ENY2: variants seen among roughly 807,000 people sequenced by gnomAD.
ENY2 encodes the protein ENY2 transcription and export complex 2 subunit.
ENY2 carries 4 observed loss-of-function variants against 15.9 expected under a neutral mutation model. The ratio of observed to expected loss-of-function variants is 0.25; its 90% CI spans 0.12 to 0.57. The LOEUF (loss-of-function observed/expected upper bound fraction) is 0.57. Ranked by LOEUF, ENY2 falls within the 20% of genes least tolerant of loss-of-function variation. ENY2 has a pLI of 0.91. For synonymous variants in ENY2, 48 were observed against 38.0 expected (o/e 1.26, Z -0.97); for missense variants, 54 against 117.2 (o/e 0.46, Z 2.49).
rs567106986 is a variant in ENY2 at position 109,337,020 on chromosome 8, A to G, written c.83+816A>G. 3.7e-5 allele frequency among the ~76,000 whole-genome samples: 5 copies of G among 135,514 alleles called. No individual in the cohort carries two copies. In the South Asian group the frequency reaches 1.3e-3, roughly 34 times the overall value. 88.9% of individuals were successfully genotyped at this position (135,514 alleles called of 152,430 possible). On this transcript the variant is annotated intron_variant, in intron 2 of 4. Transcript: ENST00000521688. ...TGATCATGTAAGATCTCACACAATA[A>G]GAAAAAGAGGTGCATCTGTTGCTGA... is the stretch of plus-strand genomic sequence containing the variant.
At chr8:109,341,052 G>A (rs1186531796) in intron 4 of ENY2, among the ~76,000 whole-genome samples, 1 of 152,086 alleles carries the variant, frequency 6.6e-6, no homozygotes, top group Non-Finnish European at 1.5e-5. Flanking sequence ...GACTCACAAT[G>A]CAACCACCTT....
At chr8:109,340,392 A>G (rs1024143675) in intron 3 of ENY2, 97 bp from the exon 4 acceptor site, 6 of 1,544,256 alleles carry the variant, frequency 3.9e-6, no homozygotes, top group South Asian at 1.2e-5. Context: ...AAACCAGTCT[A>G]CACTCTAAAA....
At chr8:109,337,824 G>A (rs1237145910) in intron 2 of ENY2, among the ~76,000 whole-genome samples, 3 of 152,090 alleles carry the variant, frequency 2.0e-5, no homozygotes, top group African/African-American at 4.8e-5. Flanking sequence ...GCTTGAACTC[G>A]GGAGGCGGAG....
At chr8:109,337,464 T>C (rs190105712) in intron 2 of ENY2, among the ~76,000 whole-genome samples, 5 of 151,968 alleles carry the variant, frequency 3.3e-5, no homozygotes, top group Admixed American at 2.6e-4. Flanking sequence ...TAGACAAAAA[T>C]GGAGACTTTG....
intron 4 of ENY2, among the ~76,000 whole-genome samples, chr8:109,342,343 C>T (rs1223482491): frequency 1.3e-5 from 2 of 151,166 alleles, no homozygotes; most frequent in Non-Finnish European, 2.9e-5. Flanking sequence ...TTATACTCCA[C>T]GTAATATGAG....
chr8:109,338,376 C>T (rs1034174518), intron 2 of ENY2: 9 of 152,086 alleles, frequency 5.9e-5, no homozygotes, highest in Admixed American at 5.9e-4. Flanking sequence ...TACAGAGATT[C>T]CTAGTCTGAG....
chr8:109,335,264 A>G (rs1815938301), intron 1 of ENY2: 2 of 151,956 alleles, frequency 1.3e-5, no homozygotes, highest in Admixed American at 6.5e-5. Context: ...ACATCCACAC[A>G]CTTAGGTTTA....
At chr8:109,336,357 G>A in intron 2 of ENY2, 153 bp downstream of exon 2, 1 of 698,578 alleles carries the variant, frequency 1.4e-6, no homozygotes, top group Non-Finnish European at 2.3e-6. Flanking sequence ...AATAATTTAG[G>A]TTTGTTAAGT....
chr8:109,337,956 G>A (rs1338121993), intron 2 of ENY2, among the ~76,000 whole-genome samples: 2 of 152,120 alleles, frequency 1.3e-5, no homozygotes, highest in East Asian at 3.9e-4. Flanking sequence ...AAGTTCCTGA[G>A]ATAGGAGCTT....
chr8:109,334,487 C>T lies in ENY2; in HGVS notation c.6+13C>T, dbSNP rs752250813. The T allele has an allele frequency of 1.6e-5, 25 of 1,612,902 alleles. No individual in the cohort carries two copies. The East Asian group carries it at 1.8e-4, about 12-fold the overall frequency. On this transcript the variant is annotated intron_variant, in intron 1 of 4. Coordinates refer to ENST00000521688, the MANE Select transcript of ENY2 (RefSeq NM_020189.6). Reference sequence around the variant, plus strand: ...CGCGGTGATGGTGGTGAGCTATGCCCGTGGTCCTCAGGGCCGGGACCCGGG... The same window carrying T: ...CGCGGTGATGGTGGTGAGCTATGCCTGTGGTCCTCAGGGCCGGGACCCGGG...
At chr8:109,336,033 A>G in intron 1 of ENY2, 95 bp from the exon 2 acceptor site, 2 of 1,094,714 alleles carry the variant, frequency 1.8e-6, no homozygotes, top group Non-Finnish European at 2.7e-6. Flanking sequence ...CCTTCAGTTA[A>G]TAGAATGGTA....
intron 3 of ENY2, 144 bp from the exon 4 acceptor site, chr8:109,340,345 A>G (rs1195342643): frequency 8.5e-7 from 1 of 1,170,232 alleles, no homozygotes; most frequent in Non-Finnish European, 1.2e-6. Context: ...ATGTGTTTGT[A>G]AGGTTGAACT....
At chr8:109,334,691 C>G (rs760784288) in intron 1 of ENY2, 18 of 572,908 alleles carry the variant, frequency 3.1e-5, no homozygotes, top group Non-Finnish European at 5.4e-5. Context: ...TTCTATTTTC[C>G]CTAAGAATGT....
chr8:109,335,314 C>CA (rs781321820), intron 1 of ENY2: 1 of 151,400 alleles, frequency 6.6e-6, no homozygotes, highest in Non-Finnish European at 1.5e-5. Flanking sequence ...AAGAGTAAAG[C>CA]AAAACACTTA....
Position 109,344,811 on chromosome 8 carries a change from T to C in ENY2, c.*1330T>C, listed in dbSNP as rs1165093589. The C allele has an allele frequency of 6.6e-6, 1 of 152,232 alleles. No individual in the cohort carries two copies. Among genetic ancestry groups the C allele is most frequent in the East Asian group, 1.9e-4 (1 of 5,192 alleles). The allele number at this position is 152,232 out of a possible 1,614,324, so 9.4% of individuals were successfully genotyped here. A position where few individuals can be genotyped will look rare whatever the true frequency, so the allele number is the denominator to read the frequency against. ...ATTGTCTTAGTTCAAGCCCAGATTA[T>C]TGTAGTAGACTTAGTATTTCTTTGC... On this transcript the variant is annotated 3_prime_UTR_variant, in exon 5 of 5. Coordinates refer to ENST00000521688, the MANE Select transcript of ENY2 (RefSeq NM_020189.6).
intron 2 of ENY2, among the ~76,000 whole-genome samples, chr8:109,337,763 A>T (rs1172170593): frequency 6.6e-6 from 1 of 152,086 alleles, no homozygotes; most frequent in African/African-American, 2.4e-5. Context: ...TTAGCCATGC[A>T]TGGTGATGGG....
intron 1 of ENY2, 40 bp from the exon 2 acceptor site, chr8:109,336,088 T>A: frequency 1.9e-6 from 3 of 1,597,410 alleles, no homozygotes; most frequent in Non-Finnish European, 2.6e-6. Flanking sequence ...GAAAATGCTT[T>A]GTAAATGTTC....
At chr8:109,338,414 CAGA>C (rs1816038986) in intron 2 of ENY2, 3 of 152,176 alleles carry the variant, frequency 2.0e-5, no homozygotes, top group Non-Finnish European at 2.9e-5. Context: ...TTGCCATTCT[CAGA>C]AGAAGAACAA....
Position 109,344,701 on chromosome 8 carries a change from A to G in ENY2, c.*1220A>G, listed in dbSNP as rs927517051. 1 of 152,216 alleles carries G rather than the reference A, an allele frequency of 6.6e-6. No homozygotes were observed. Among genetic ancestry groups the G allele is most frequent in the African/African-American group, 2.4e-5 (1 of 41,440 alleles). The allele number at this position is 152,216 out of a possible 1,614,324, so 9.4% of individuals were successfully genotyped here. A position where few individuals can be genotyped will look rare whatever the true frequency, so the allele number is the denominator to read the frequency against. On this transcript the variant is annotated 3_prime_UTR_variant, in exon 5 of 5. Coordinates refer to ENST00000521688, the MANE Select transcript of ENY2 (RefSeq NM_020189.6). ...GCTTTAAGATTCTGTATTTCTGGCGAGTACCCAACTGGTGCTCATGCTGCT... is the reference window on the plus strand; with the variant it reads ...GCTTTAAGATTCTGTATTTCTGGCGGGTACCCAACTGGTGCTCATGCTGCT...
Sources: allele counts gnomAD v4.1 joint callset (sites outside exome capture counted in the v4.1 genomes callset), GRCh38; gene constraint gnomAD v4.1.1; transcripts MANE v1.5; gene names NCBI Gene and HGNC (gene_info 2026-07-23, HGNC 2026-07-21).